The following KCNH8 variants were observed in gnomAD, a reference collection of about 807,000 sequenced individuals.
The protein encoded by KCNH8 is voltage-gated delayed rectifier potassium channel KCNH8.
In KCNH8, 70 loss-of-function variants were observed where a neutral mutation model predicts 103.6. That is an observed-to-expected ratio of 0.68 (90% confidence interval 0.56 to 0.82). KCNH8 has a LOEUF of 0.82. KCNH8 is among the 40% of genes least tolerant of loss of function. KCNH8 has a pLI of 0.00. For missense variants in KCNH8, 1,217 were observed against 1,329.9 expected, an observed-to-expected ratio of 0.92 and a Z score of 1.32; for synonymous variants, 498 against 489.4, an observed-to-expected ratio of 1.02 and a Z score of -0.23.
At chr3:19,249,920 G>T (rs957982703) in intron 1 of KCNH8, among the ~76,000 whole-genome samples, 1 of 152,018 alleles carries the variant, frequency 6.6e-6, no homozygotes. Context: ...GTCTTTATGG[G>T]GTATCCTATA....
In KCNH8 at chr3:19,515,369, C is replaced by G. The variant is rs1461560804; in HGVS notation, c.2483C>G (p.Thr828Ser). The part of the protein sequence containing the change: ...EDGNSSEESQ[T>S]FDFGSERIRS... The stretch of plus-strand genomic sequence containing the variant: ...GGAAACAGCAGTGAAGAAAGTCAGA[C>G]TTTTGATTTTGGCTCTGAACGAATC... Residue 828 changes from threonine to serine, a missense_variant, in exon 14 of 16, where the codon ACT becomes AGT. Around this residue, in one of 3 missense-constraint regions of KCNH8, gnomAD observed 558 missense variants for 495.8 expected, o/e 1.13. Transcript: ENST00000328405. 2.5e-6 allele frequency: 4 copies of G among 1,584,366 alleles called. No homozygotes were observed. The highest frequency in any genetic ancestry group is 3.4e-6 in the Non-Finnish European group (4 of 1,165,484).
chr3:19,303,547 A>G (rs1202823171), intron 3 of KCNH8, among the ~76,000 whole-genome samples: 2 of 152,286 alleles, frequency 1.3e-5, no homozygotes, highest in East Asian at 3.9e-4. Context: ...AGTTGAAAGC[A>G]TGTTTACGGA....
intron 1 of KCNH8, among the ~76,000 whole-genome samples, chr3:19,188,531 A>T (rs1355541041): frequency 6.6e-6 from 1 of 152,094 alleles, no homozygotes; most frequent in East Asian, 1.9e-4. Context: ...TTGTTGTAGA[A>T]CATCTGGTGA....
chr3:19,180,214 G>A (rs987811526), intron 1 of KCNH8, among the ~76,000 whole-genome samples: 1 of 148,136 alleles, frequency 6.8e-6, no homozygotes, highest in Non-Finnish European at 1.5e-5. Flanking sequence ...TTGTGAAGGC[G>A]ATCTGGCATG....
At chr3:19,315,028 T>C (rs1258010927) in intron 3 of KCNH8, 1 of 152,222 alleles carries the variant, frequency 6.6e-6, no homozygotes, top group African/African-American at 2.4e-5. Context: ...TTCTGTACCA[T>C]TAAATGAAGA....
intron 3 of KCNH8, chr3:19,314,834 C>G (rs1355899444): frequency 6.5e-6 from 1 of 154,160 alleles, no homozygotes. Context: ...GACTGAATAG[C>G]TGGATAGCTT....
intron 6 of KCNH8, 41 bp downstream of exon 6, chr3:19,390,679 T>C (rs1312134184): frequency 5.7e-6 from 9 of 1,567,742 alleles, no homozygotes; most frequent in East Asian, 2.3e-5. Context: ...TTAAGGTTGA[T>C]TTATTTATCG....
chr3:19,431,575 A>G (rs7632941), intron 7 of KCNH8, among the ~76,000 whole-genome samples: 137 of 152,218 alleles, frequency 9.0e-4, no homozygotes, highest in African/African-American at 3.1e-3. Context: ...TTCTTTGTAC[A>G]TCTGGTAGAC....
chr3:19,395,615 C>T (rs1206674941), intron 7 of KCNH8, among the ~76,000 whole-genome samples: 8 of 151,818 alleles, frequency 5.3e-5, no homozygotes, highest in South Asian at 2.1e-4. Flanking sequence ...TGAAATGTTC[C>T]GATGCAGGGC....
chr3:19,168,166 T>C (rs2063304389), intron 1 of KCNH8, among the ~76,000 whole-genome samples: 1 of 152,004 alleles, frequency 6.6e-6, no homozygotes, highest in Non-Finnish European at 1.5e-5. Context: ...CCTGCCGCCA[T>C]GCCCAGCTAA....
intron 1 of KCNH8, among the ~76,000 whole-genome samples, chr3:19,162,047 A>G (rs2063239120): frequency 6.6e-6 from 1 of 152,196 alleles, no homozygotes; most frequent in Non-Finnish European, 1.5e-5. Flanking sequence ...CAAAGTTATT[A>G]GTCTTTTCTA....
intron 11 of KCNH8, among the ~76,000 whole-genome samples, chr3:19,499,869 A>G (rs2068536086): frequency 6.6e-6 from 1 of 152,208 alleles, no homozygotes; most frequent in African/African-American, 2.4e-5. Flanking sequence ...GACTAGGAAG[A>G]AACTGCATCA....
intron 11 of KCNH8, among the ~76,000 whole-genome samples, chr3:19,480,145 C>G (rs561251813): frequency 1.3e-5 from 2 of 152,288 alleles, no homozygotes; most frequent in East Asian, 3.9e-4. Flanking sequence ...GATTTCCTAT[C>G]TTCCCTGGGC....
chr3:19,486,348 C>T (rs2068207513), intron 11 of KCNH8, among the ~76,000 whole-genome samples: 1 of 152,218 alleles, frequency 6.6e-6, no homozygotes, highest in Admixed American at 6.5e-5. Context: ...GTTAATTTAG[C>T]ATTTGTTAGC....
At chr3:19,281,393 A>C in intron 3 of KCNH8, 64 bp downstream of exon 3, 1 of 1,451,860 alleles carries the variant, frequency 6.9e-7, no homozygotes, top group South Asian at 1.3e-5. Flanking sequence ...TTACTTAAAA[A>C]CTCTTGGAGA....
intron 7 of KCNH8, among the ~76,000 whole-genome samples, chr3:19,417,049 C>T (rs994949264): frequency 2.0e-5 from 3 of 151,888 alleles, no homozygotes; most frequent in African/African-American, 7.3e-5. Flanking sequence ...CTTCCCACCT[C>T]TTCCCCTGTC....
chr3:19,272,643 AAG>A (rs2125267526), intron 2 of KCNH8, among the ~76,000 whole-genome samples: 1 of 152,238 alleles, frequency 6.6e-6, no homozygotes. Flanking sequence ...GTTTGCTTCT[AAG>A]AAGACCTGGA....
Position 19,176,807 on chromosome 3 carries a change from A to G in KCNH8, c.76+28012A>G, listed in dbSNP as rs142835533. Among the ~76,000 whole-genome samples, 6 of 152,266 alleles carry G rather than the reference A, an allele frequency of 3.9e-5. No homozygotes were observed. The East Asian group carries it at 1.2e-3, about 29-fold the overall frequency. ...TTAGTTATGCTCTATAAAATTGTAT[A>G]AACACTGAATTAGCAAATACTTGAC... On this transcript the variant is annotated intron_variant, in intron 1 of 15. Coordinates refer to ENST00000328405, the MANE Select transcript of KCNH8 (RefSeq NM_144633.3).
intron 1 of KCNH8, among the ~76,000 whole-genome samples, chr3:19,215,322 G>A (rs2063807931): frequency 6.6e-6 from 1 of 152,102 alleles, no homozygotes; most frequent in Non-Finnish European, 1.5e-5. Context: ...TATAATTTCT[G>A]GCACCACACA....
Sources: gnomAD v4.1 joint callset for allele counts (sites outside exome capture counted in the v4.1 genomes callset) on GRCh38, gnomAD v4.1.1 for gene constraint, gnomAD v4.1.1 regional missense constraint, MANE v1.5 for transcripts, NCBI Gene and HGNC (gene_info 2026-07-23, HGNC 2026-07-21) for gene names.